Variants in GSR observed in about 807,000 individuals in gnomAD.
The protein encoded by GSR is glutathione reductase, mitochondrial.
GSR carries 48 observed loss-of-function variants against 56.5 expected under a neutral mutation model. The ratio of observed to expected loss-of-function variants is 0.85; its 90% CI spans 0.67 to 1.08. GSR has a LOEUF of 1.08. Among genes scored for constraint, GSR ranks in the 50% least tolerant of loss-of-function variants. GSR has a pLI of 0.00. For synonymous variants in GSR, 264 were observed against 270.8 expected (o/e 0.97, Z 0.25); for missense variants, 694 against 703.3 (o/e 0.99, Z 0.15).
intron 4 of GSR, among the ~76,000 whole-genome samples, chr8:30,703,724 A>T: frequency 6.8e-6 from 1 of 146,752 alleles, no homozygotes; most frequent in Admixed American, 6.8e-5. Flanking sequence ...TCCAGCCTGG[A>T]TGACAAAGTG....
At chr8:30,724,882 A>G (rs1028381900) in intron 1 of GSR, among the ~76,000 whole-genome samples, 1 of 152,192 alleles carries the variant, frequency 6.6e-6, no homozygotes, top group Non-Finnish European at 1.5e-5. Flanking sequence ...TACATTTTAC[A>G]TAAGATAAAG....
rs1447132818 is a variant in GSR at position 30,727,773 on chromosome 8, G to A, written c.63C>T (p.Arg21=). The A allele has an allele frequency of 1.5e-6, 2 of 1,361,858 alleles. No homozygotes were observed. The highest frequency in any genetic ancestry group is 1.9e-6 in the Non-Finnish European group (2 of 1,056,910). The allele number at this position is 1,361,858 out of a possible 1,614,324, so 84.4% of individuals were successfully genotyped here. The stretch of plus-strand genomic sequence containing the variant: ...GAAGCAGCAGGAAGCCTCGGAAGGC[G>A]CGCGCCGCCCGCCGCCAGCTCGGTC... ...GAGPSWRRAA[R]AFRGFLLLLP... Residue 21 remains arginine (R), a synonymous_variant, in exon 1 of 13, where the codon CGC becomes CGT. Transcript: ENST00000221130.
chr8:30,701,899 A>T (rs1261362810), intron 5 of GSR, among the ~76,000 whole-genome samples: 1 of 151,742 alleles, frequency 6.6e-6, no homozygotes, highest in African/African-American at 2.4e-5. Context: ...CCATCCACAA[A>T]GTCCTTATAA....
chr8:30,684,283 T>C, intron 9 of GSR, 84 bp from the exon 10 acceptor site: 1 of 817,764 alleles, frequency 1.2e-6, no homozygotes, highest in Non-Finnish European at 2.2e-6. Context: ...CCCTTCCTCA[T>C]TTCACATGGG....
chr8:30,681,749 AT>A, intron 11 of GSR, among the ~76,000 whole-genome samples, 180 bp downstream of exon 11: 1 of 152,276 alleles, frequency 6.6e-6, no homozygotes, highest in South Asian at 2.1e-4. Context: ...TGAAGGAAAG[AT>A]ACTGTACACT....
At chr8:30,725,775 G>C (rs1052665160) in intron 1 of GSR, among the ~76,000 whole-genome samples, 2 of 150,082 alleles carry the variant, frequency 1.3e-5, no homozygotes, top group Admixed American at 6.7e-5. Flanking sequence ...CCAGCTACTC[G>C]AGAGGCTGAG....
At chr8:30,700,722 C>CAAAAAAAA (rs1563535549) in intron 5 of GSR, among the ~76,000 whole-genome samples, 101 of 8,414 alleles carry the variant, frequency 0.012, 3 homozygotes, top group African/African-American at 0.016. Flanking sequence ...GATTTTGTCT[C>CAAAAAAAA]CAAAAAAAAA....
At chr8:30,708,552 T>A (rs1366478505) in intron 3 of GSR, among the ~76,000 whole-genome samples, 1 of 152,178 alleles carries the variant, frequency 6.6e-6, no homozygotes, top group African/African-American at 2.4e-5. Context: ...AAAACTACCA[T>A]ACGATTCGGC....
At chr8:30,709,934 A>C in intron 2 of GSR, 32 bp from the exon 3 acceptor site, 49 of 1,167,464 alleles carry the variant, frequency 4.2e-5, no homozygotes, top group Non-Finnish European at 5.7e-5. Flanking sequence ...AGGATCCAAA[A>C]CAGCAGTAAA....
intron 1 of GSR, among the ~76,000 whole-genome samples, chr8:30,720,884 C>T (rs1804513335): frequency 6.6e-6 from 1 of 151,870 alleles, no homozygotes; most frequent in African/African-American, 2.4e-5. Flanking sequence ...GCACTTTTGA[C>T]GGGTCAAGAC....
intron 10 of GSR, among the ~76,000 whole-genome samples, chr8:30,683,200 G>C (rs999946410): frequency 6.6e-6 from 1 of 152,016 alleles, no homozygotes; most frequent in Non-Finnish European, 1.5e-5. Context: ...AGACTCAAGC[G>C]ATCCCCCAAC....
At position 30,681,044 on chromosome 8, in the gene GSR, T is replaced by A. The variant is rs201692828; in HGVS notation, c.1286-7A>T. 13 of 1,604,866 alleles carry A rather than the reference T, an allele frequency of 8.1e-6. No individual in the cohort carries two copies. In the Admixed American group the frequency reaches 2.0e-4, roughly 25 times the overall value. The stretch of plus-strand genomic sequence containing the variant: ...TATTTATGAATGGCTTCATCTACAA[T>A]GCACATTAAAAAAAGCATCTATCAG... On this transcript the variant is annotated splice_region_variant and splice_polypyrimidine_tract_variant and intron_variant, in intron 11 of 12. Transcript: ENST00000221130.
At chr8:30,726,702 C>A (rs1449390795) in intron 1 of GSR, among the ~76,000 whole-genome samples, 1 of 152,106 alleles carries the variant, frequency 6.6e-6, no homozygotes, top group Non-Finnish European at 1.5e-5. Flanking sequence ...TTCGAGGCTG[C>A]AGTGAGCTAT....
chr8:30,719,723 C>T (rs1321769746), intron 1 of GSR, among the ~76,000 whole-genome samples: 1 of 152,086 alleles, frequency 6.6e-6, no homozygotes, highest in East Asian at 1.9e-4. Flanking sequence ...GTTCAGAATC[C>T]CGATCAGTGG....
chr8:30,695,355 C>T (rs1403704775), intron 7 of GSR, among the ~76,000 whole-genome samples: 2 of 152,096 alleles, frequency 1.3e-5, no homozygotes, highest in Non-Finnish European at 2.9e-5. Context: ...TATGCCTCAG[C>T]CTCCCGTGTA....
At chr8:30,702,946 C>A (rs1803791840) in intron 5 of GSR, 147 bp downstream of exon 5, 1 of 821,040 alleles carries the variant, frequency 1.2e-6, no homozygotes, top group Non-Finnish European at 2.1e-6. Flanking sequence ...ACTAAGCCAA[C>A]TGGAGTTAGG....
At chr8:30,712,144 G>A (rs561237607) in intron 1 of GSR, 56 bp from the exon 2 acceptor site, 20 of 947,736 alleles carry the variant, frequency 2.1e-5, no homozygotes, top group East Asian at 9.8e-5. Context: ...ACCATCAAAC[G>A]AAATCTGCAA....
rs150497122 is a variant in GSR at position 30,695,780 on chromosome 8, C to G, written c.795+600G>C. ...CCTGGCGGGGCTTGGTGGCTCACAC[C>G]TGTAATCCCAGCACTTTGGGAGGTC... is the stretch of plus-strand genomic sequence containing the variant. On this transcript the variant is annotated intron_variant, in intron 7 of 12. Coordinates refer to ENST00000221130, the MANE Select transcript of GSR (RefSeq NM_000637.5). 3.6e-4 allele frequency among the ~76,000 whole-genome samples: 55 copies of G among 152,200 alleles called. No homozygotes were observed. In the East Asian group the frequency reaches 7.4e-3, roughly 20 times the overall value.
Position 30,708,105 on chromosome 8 carries a change from G to A in GSR, c.459C>T (p.Arg153=), listed in dbSNP as rs1265234735. 6.2e-7 allele frequency: 1 copy of A among 1,613,696 alleles called. No homozygotes were observed. Among genetic ancestry groups the A allele is most frequent in the Non-Finnish European group, 8.5e-7 (1 of 1,179,622 alleles). The change falls in exon 4 of 13, where the codon CGC becomes CGT. Residue 153 remains arginine (R), a synonymous_variant. Coordinates refer to ENST00000221130, the MANE Select transcript of GSR (RefSeq NM_000637.5). ...GATTGTTTTGATAGATGGCATTCAG[G>A]CGGCTCACATAGGCATCCCGCTTTT... ...IKEKRDAYVS[R]LNAIYQNNLT...
Sources: gnomAD v4.1 joint callset for allele counts (sites outside exome capture counted in the v4.1 genomes callset) on GRCh38, gnomAD v4.1.1 for gene constraint, MANE v1.5 for transcripts, NCBI Gene and HGNC (gene_info 2026-07-23, HGNC 2026-07-21) for gene names.